EXOC6B: variants seen among roughly 807,000 people sequenced by gnomAD.
EXOC6B encodes the protein SEC15 homolog B.
In EXOC6B, 54 loss-of-function variants were observed where a neutral mutation model predicts 113.5. That is an observed-to-expected ratio of 0.48 (90% CI 0.38 to 0.60). The LOEUF (loss-of-function observed/expected upper bound fraction) is 0.60, where lower values mean the gene tolerates loss of function less well. Among genes scored for constraint, EXOC6B ranks in the 20% least tolerant of loss-of-function variants. The probability of loss-of-function intolerance (pLI) is 0.00; values close to 1 mark genes in which losing one functional copy is unlikely to be tolerated. For synonymous variants in EXOC6B, 357 were observed against 339.0 expected, an observed-to-expected ratio of 1.05 and a Z score of -0.58; for missense variants, 797 against 977.5, an observed-to-expected ratio of 0.82 and a Z score of 2.46.
chr2:72,687,580 T>C (rs1037616944), intron 6 of EXOC6B, among the ~76,000 whole-genome samples: 5 of 152,042 alleles, frequency 3.3e-5, no homozygotes, highest in Admixed American at 6.6e-5. Flanking sequence ...CAACGTTAAG[T>C]AGGGAAGAAA....
chr2:72,686,195 T>C (rs990070285), intron 6 of EXOC6B, among the ~76,000 whole-genome samples: 1 of 152,218 alleles, frequency 6.6e-6, no homozygotes, highest in Non-Finnish European at 1.5e-5. Flanking sequence ...GTTTTTCTTC[T>C]TTTAAGTTCC....
intron 15 of EXOC6B, among the ~76,000 whole-genome samples, chr2:72,493,982 A>G (rs970064881): frequency 1.3e-5 from 2 of 152,152 alleles, no homozygotes; most frequent in East Asian, 1.9e-4. Flanking sequence ...AATCTCTGTC[A>G]CTCCAAGTTA....
intron 18 of EXOC6B, among the ~76,000 whole-genome samples, chr2:72,443,918 T>C (rs1696396225): frequency 6.6e-6 from 1 of 151,992 alleles, no homozygotes; most frequent in Admixed American, 6.5e-5. Context: ...CTCCCAAATC[T>C]CATATCCTCA....
chr2:72,608,875 G>A (rs1278139844), intron 6 of EXOC6B, among the ~76,000 whole-genome samples: 1 of 151,744 alleles, frequency 6.6e-6, no homozygotes, highest in Non-Finnish European at 1.5e-5. Context: ...TTATCACTAG[G>A]GACAGATATC....
At chr2:72,464,952 C>A (rs1697945720) in intron 18 of EXOC6B, 1 of 577,184 alleles carries the variant, frequency 1.7e-6, no homozygotes. Flanking sequence ...TACCAGGAAC[C>A]ATTTTCAGAT....
chr2:72,480,423 G>C (rs1699011756), intron 17 of EXOC6B, among the ~76,000 whole-genome samples, 193 bp downstream of exon 17: 1 of 152,072 alleles, frequency 6.6e-6, no homozygotes, highest in South Asian at 2.1e-4. Context: ...GTTTCGTTTT[G>C]TTTAAACACC....
chr2:72,450,246 A>T (rs1696831775), intron 18 of EXOC6B, among the ~76,000 whole-genome samples: 2 of 152,248 alleles, frequency 1.3e-5, no homozygotes, highest in South Asian at 4.1e-4. Context: ...AGAAAAAAAA[A>T]TAGTAAAACT....
chr2:72,678,388 G>A (rs1676462228), intron 6 of EXOC6B, among the ~76,000 whole-genome samples: 1 of 152,154 alleles, frequency 6.6e-6, no homozygotes, highest in African/African-American at 2.4e-5. Context: ...AGGTCCACCA[G>A]GAAGGAGATA....
intron 6 of EXOC6B, among the ~76,000 whole-genome samples, chr2:72,712,213 A>C (rs1390592192): frequency 6.6e-6 from 1 of 152,198 alleles, no homozygotes; most frequent in African/African-American, 2.4e-5. Flanking sequence ...ATCAATGTAC[A>C]ATTTTTTTAA....
chr2:72,599,466 G>A (rs1670273752), intron 6 of EXOC6B, among the ~76,000 whole-genome samples: 1 of 152,094 alleles, frequency 6.6e-6, no homozygotes, highest in Non-Finnish European at 1.5e-5. Context: ...GAAACTAGAT[G>A]CTTTCCTCCT....
At chr2:72,819,792 C>T (rs1686483101) in intron 1 of EXOC6B, among the ~76,000 whole-genome samples, 1 of 152,154 alleles carries the variant, frequency 6.6e-6, no homozygotes, top group African/African-American at 2.4e-5. Flanking sequence ...AAGCATCATT[C>T]ATGCTACCTG....
At chr2:72,530,993 C>A (rs1349105641) in intron 8 of EXOC6B, among the ~76,000 whole-genome samples, 1 of 151,758 alleles carries the variant, frequency 6.6e-6, no homozygotes, top group Non-Finnish European at 1.5e-5. Flanking sequence ...TTTCTATAGA[C>A]AATATGTCTT....
intron 18 of EXOC6B, chr2:72,461,788 A>G (rs920729063): frequency 5.9e-5 from 9 of 152,072 alleles, no homozygotes; most frequent in African/African-American, 2.2e-4. Flanking sequence ...AGACTACAAT[A>G]ACTAGACCCC....
At chr2:72,495,640 G>T in intron 14 of EXOC6B, 101 bp from the exon 15 acceptor site, 1 of 677,684 alleles carries the variant, frequency 1.5e-6, no homozygotes, top group Non-Finnish European at 2.6e-6. Context: ...TTCACATTGT[G>T]AATTGTCTCC....
chr2:72,645,951 C>A (rs924669949), intron 6 of EXOC6B, among the ~76,000 whole-genome samples: 1 of 152,028 alleles, frequency 6.6e-6, no homozygotes. Context: ...CAGAGCAGAA[C>A]TGAAGGAGAT....
At chr2:72,369,938 G>A (rs1470906101) in intron 19 of EXOC6B, among the ~76,000 whole-genome samples, 1 of 152,106 alleles carries the variant, frequency 6.6e-6, no homozygotes, top group Non-Finnish European at 1.5e-5. Context: ...TACCATTCAG[G>A]ACATAGGCAT....
intron 1 of EXOC6B, among the ~76,000 whole-genome samples, chr2:72,749,615 T>A (rs1681914578): frequency 6.6e-6 from 1 of 152,012 alleles, no homozygotes; most frequent in Non-Finnish European, 1.5e-5. Flanking sequence ...AATTAAATAA[T>A]TACTCTGAAG....
chr2:72,287,930 T>C (rs1237976662), intron 20 of EXOC6B, among the ~76,000 whole-genome samples: 1 of 152,164 alleles, frequency 6.6e-6, no homozygotes, highest in Non-Finnish European at 1.5e-5. Context: ...AAGGAATACT[T>C]CCAATTTATT....
At chr2:72,711,773 G>T (rs1679287789) in intron 6 of EXOC6B, among the ~76,000 whole-genome samples, 1 of 152,124 alleles carries the variant, frequency 6.6e-6, no homozygotes, top group African/African-American at 2.4e-5. Flanking sequence ...AACCAAGAGG[G>T]TTACTAAGTG....
Sources: gnomAD v4.1 joint callset for allele counts (sites outside exome capture counted in the v4.1 genomes callset) on GRCh38, gnomAD v4.1.1 for gene constraint, MANE v1.5 for transcripts, NCBI Gene and HGNC (gene_info 2026-07-23, HGNC 2026-07-21) for gene names.